KCNMA1: variants seen among roughly 807,000 people sequenced by gnomAD.
KCNMA1 encodes the protein Calcium-activated potassium channel subunit alpha-1.
In KCNMA1, 29 loss-of-function variants were observed where a neutral mutation model predicts 140.0. The observed-to-expected ratio is 0.21, with a 90% CI of 0.15 to 0.28. The LOEUF is 0.28. Ranked by LOEUF, KCNMA1 falls within the 10% of genes least tolerant of loss-of-function variation. The pLI is 1.00. For missense variants in KCNMA1, 880 were observed against 1,602.2 expected, an observed-to-expected ratio of 0.55 and a Z score of 7.70; for synonymous variants, 612 against 611.9, an observed-to-expected ratio of 1.00 and a Z score of 0.00.
intron 1 of KCNMA1, among the ~76,000 whole-genome samples, chr10:77,532,465 C>A (rs1419062097): frequency 6.6e-6 from 1 of 152,190 alleles, no homozygotes; most frequent in Non-Finnish European, 1.5e-5. Flanking sequence ...AAAGGACACT[C>A]CTTGGGTGGG....
intron 2 of KCNMA1, among the ~76,000 whole-genome samples, chr10:77,386,192 C>G (rs2095597420): frequency 6.6e-6 from 1 of 152,186 alleles, no homozygotes; most frequent in Non-Finnish European, 1.5e-5. Flanking sequence ...ACTGGCTGAG[C>G]CTTTCCTAGT....
intron 8 of KCNMA1, among the ~76,000 whole-genome samples, chr10:77,109,792 C>G (rs1250266521): frequency 6.6e-6 from 1 of 152,188 alleles, no homozygotes; most frequent in African/African-American, 2.4e-5. Context: ...CGCAAACTGT[C>G]TCTACAAAGT....
chr10:77,438,561 C>A (rs1210752398), intron 1 of KCNMA1, among the ~76,000 whole-genome samples: 1 of 143,592 alleles, frequency 7.0e-6, no homozygotes, highest in Admixed American at 7.2e-5. Context: ...GAAACTCTGT[C>A]TCAAAAAAAA....
At chr10:77,071,330 TG>T (rs2096203281) in intron 14 of KCNMA1, 2 of 151,734 alleles carry the variant, frequency 1.3e-5, no homozygotes, top group African/African-American at 4.8e-5. Flanking sequence ...CCATCTGTGG[TG>T]GGGCCCTGCC....
intron 10 of KCNMA1, among the ~76,000 whole-genome samples, chr10:77,087,802 G>A (rs1178229965): frequency 3.3e-5 from 5 of 152,042 alleles, no homozygotes; most frequent in African/African-American, 1.2e-4. Flanking sequence ...CCTACTATAC[G>A]CCAGGTACCG....
chr10:77,410,770 G>A (rs2096601198), intron 1 of KCNMA1, among the ~76,000 whole-genome samples: 2 of 152,124 alleles, frequency 1.3e-5, no homozygotes, highest in Non-Finnish European at 2.9e-5. Context: ...CCCGTCTCGG[G>A]GCTGTCTGCA....
At chr10:77,089,913 G>C (rs1164222070) in intron 10 of KCNMA1, among the ~76,000 whole-genome samples, 1 of 152,072 alleles carries the variant, frequency 6.6e-6, no homozygotes, top group Non-Finnish European at 1.5e-5. Flanking sequence ...GACGGGCTAG[G>C]GTCCCATGCT....
At chr10:77,186,926 C>T (rs2098866986) in intron 3 of KCNMA1, among the ~76,000 whole-genome samples, 1 of 151,904 alleles carries the variant, frequency 6.6e-6, no homozygotes. Flanking sequence ...AACTCACAGT[C>T]ATCAAGATTG....
At chr10:77,534,617 T>A (rs796072700) in intron 1 of KCNMA1, among the ~76,000 whole-genome samples, 6 of 152,148 alleles carry the variant, frequency 3.9e-5, no homozygotes, top group African/African-American at 1.2e-4. Flanking sequence ...AAGTTCTGGG[T>A]TCAAGGTCCA....
At chr10:77,389,669 A>C (rs2095743904) in intron 2 of KCNMA1, among the ~76,000 whole-genome samples, 1 of 152,134 alleles carries the variant, frequency 6.6e-6, no homozygotes, top group Non-Finnish European at 1.5e-5. Context: ...GAAATGATTC[A>C]AAAGAAGCCA....
chr10:77,055,715 C>G (rs1431890722), intron 14 of KCNMA1, among the ~76,000 whole-genome samples: 1 of 152,060 alleles, frequency 6.6e-6, no homozygotes, highest in Non-Finnish European at 1.5e-5. Flanking sequence ...ACCAGTTGGC[C>G]CCAGATGTGA....
At chr10:77,294,659 C>T (rs2074370082) in intron 2 of KCNMA1, among the ~76,000 whole-genome samples, 1 of 152,232 alleles carries the variant, frequency 6.6e-6, no homozygotes, top group Admixed American at 6.5e-5. Flanking sequence ...TGACTCACGC[C>T]TGTAATCCCA....
intron 2 of KCNMA1, among the ~76,000 whole-genome samples, chr10:77,277,633 T>A (rs540676950): frequency 6.6e-6 from 1 of 152,204 alleles, no homozygotes; most frequent in African/African-American, 2.4e-5. Context: ...TCTGAACTTC[T>A]GGAATCACCA....
intron 1 of KCNMA1, among the ~76,000 whole-genome samples, chr10:77,491,434 G>A (rs369419976): frequency 3.9e-5 from 6 of 152,082 alleles, no homozygotes; most frequent in Non-Finnish European, 7.3e-5. Context: ...TTCCCCCCAC[G>A]GCGTGCTATT....
chr10:77,365,086 AGCTGGGGAG>A (rs1182564031), intron 2 of KCNMA1, among the ~76,000 whole-genome samples: 2 of 152,338 alleles, frequency 1.3e-5, no homozygotes, highest in African/African-American at 4.8e-5. Context: ...AGAAGGGCAC[AGCTGGGGAG>A]TAATTGCCAA....
At chr10:77,055,302 T>C (rs931648798) in intron 14 of KCNMA1, among the ~76,000 whole-genome samples, 2 of 152,166 alleles carry the variant, frequency 1.3e-5, no homozygotes, top group Non-Finnish European at 2.9e-5. Flanking sequence ...CATTGTTCTC[T>C]TCTGGTATCC....
intron 3 of KCNMA1, among the ~76,000 whole-genome samples, chr10:77,245,985 T>A (rs933624480): frequency 6.6e-6 from 1 of 152,168 alleles, no homozygotes; most frequent in African/African-American, 2.4e-5. Flanking sequence ...GGCAGTGTCT[T>A]ACATGGAAGG....
intron 1 of KCNMA1, among the ~76,000 whole-genome samples, chr10:77,526,272 C>A (rs944757415): frequency 1.3e-5 from 2 of 152,192 alleles, no homozygotes; most frequent in Non-Finnish European, 2.9e-5. Context: ...GATACATTTC[C>A]TTACTGTCTA....
chr10:77,067,035 A>T (rs1201996443), intron 14 of KCNMA1, among the ~76,000 whole-genome samples: 1 of 152,218 alleles, frequency 6.6e-6, no homozygotes, highest in African/African-American at 2.4e-5. Context: ...GCTTGCTGTG[A>T]TGATTAATGT....
Sources: gnomAD v4.1 joint callset for allele counts (sites outside exome capture counted in the v4.1 genomes callset) on GRCh38, gnomAD v4.1.1 for gene constraint, MANE v1.5 for transcripts, NCBI Gene and HGNC (gene_info 2026-07-23, HGNC 2026-07-21) for gene names.